The following ENTPD1 variants were observed in gnomAD, a reference collection of about 807,000 sequenced individuals.
ENTPD1 encodes ectonucleoside triphosphate diphosphohydrolase 1.
In ENTPD1, 33 loss-of-function variants were observed where a neutral mutation model predicts 57.0. That is an observed-to-expected ratio of 0.58 (90% CI 0.44 to 0.77). ENTPD1 has a LOEUF of 0.77. Ranked by LOEUF, ENTPD1 falls within the 30% of genes least tolerant of loss-of-function variation. The probability of loss-of-function intolerance (pLI) is 0.00; values close to 1 mark genes in which losing one functional copy is unlikely to be tolerated. For missense variants in ENTPD1, 501 were observed against 603.4 expected (o/e 0.83, Z 1.78); for synonymous variants, 202 against 218.8 (o/e 0.92, Z 0.68).
At chr10:95,755,674 A>C (rs1265559245), upstream of ENTPD1, 1 of 1,536,966 alleles carries the variant, frequency 6.5e-7, no homozygotes, top group Admixed American at 2.0e-5. Context: ...TGCTCTAATG[A>C]GCCTTGAGAA....
chr10:95,738,794 T>A (rs142160575), intron 1 of ENTPD1, among the ~76,000 whole-genome samples: 1 of 152,072 alleles, frequency 6.6e-6, no homozygotes, highest in Non-Finnish European at 1.5e-5. Context: ...ATTAAGCACA[T>A]AGGCACACTC....
chr10:95,818,591 CAG>C (rs1226442474), intron 1 of ENTPD1, among the ~76,000 whole-genome samples: 1 of 152,164 alleles, frequency 6.6e-6, no homozygotes, highest in African/African-American at 2.4e-5. Flanking sequence ...TGACTGGAAT[CAG>C]GGGATGTGGA....
At chr10:95,770,779 T>C (rs935571205) in intron 1 of ENTPD1, among the ~76,000 whole-genome samples, 1 of 152,144 alleles carries the variant, frequency 6.6e-6, no homozygotes, top group Non-Finnish European at 1.5e-5. Flanking sequence ...GAAGATCACA[T>C]TTCAAATGTG....
chr10:95,706,917 T>C (rs893319092), upstream of ENTPD1, among the ~76,000 whole-genome samples: 4 of 152,072 alleles, frequency 2.6e-5, no homozygotes, highest in Admixed American at 6.5e-5. Context: ...CCAACCCCAC[T>C]TGGAGAGATC....
At chr10:95,788,617 A>G (rs978012189) in intron 1 of ENTPD1, among the ~76,000 whole-genome samples, 4 of 139,218 alleles carry the variant, frequency 2.9e-5, no homozygotes, top group Non-Finnish European at 4.4e-5. Context: ...ACTCTGTCCA[A>G]AAAAAAAGAA....
At chr10:95,764,560 A>G (rs2098080538) in intron 1 of ENTPD1, among the ~76,000 whole-genome samples, 1 of 151,958 alleles carries the variant, frequency 6.6e-6, no homozygotes, top group Non-Finnish European at 1.5e-5. Flanking sequence ...TTTATTCCCT[A>G]TCTTTTATTA....
intron 3 of ENTPD1, 69 bp downstream of exon 3, chr10:95,839,877 T>G: frequency 1.3e-6 from 2 of 1,503,926 alleles, no homozygotes; most frequent in African/African-American, 1.4e-5. Context: ...GTATGACCAG[T>G]AGAACACAAG....
At chr10:95,824,661 A>G (rs554470722) in intron 2 of ENTPD1, among the ~76,000 whole-genome samples, 1 of 152,282 alleles carries the variant, frequency 6.6e-6, no homozygotes, top group Non-Finnish European at 1.5e-5. Context: ...ACCTTTTTAC[A>G]TGTTCAGTAT....
At chr10:95,858,765 C>T (rs1442743201) in intron 7 of ENTPD1, among the ~76,000 whole-genome samples, 1 of 152,090 alleles carries the variant, frequency 6.6e-6, no homozygotes, top group Non-Finnish European at 1.5e-5. Context: ...GTATTTATAC[C>T]ATTGCTCATA....
rs776766134 is a variant in ENTPD1, at chr10:95,868,104, C to A, written c.*1721C>A. On this transcript the variant is annotated 3_prime_UTR_variant, in exon 10 of 10. Transcript: ENST00000371205. ...ATTACATTCATCTTCTCATTTAATC[C>A]TCACAACAATCTGAAGAAGGTAGGT... The A allele has an allele frequency of 8.1e-5, 80 of 983,366 alleles. No homozygotes were observed. Among genetic ancestry groups the A allele is most frequent in the Non-Finnish European group, 9.2e-5 (76 of 828,142 alleles). 60.9% of individuals were successfully genotyped at this position (983,366 alleles called of 1,614,324 possible). A position where few individuals can be genotyped will look rare whatever the true frequency, so the allele number is the denominator to read the frequency against.
chr10:95,764,824 G>A (rs1166370211), intron 1 of ENTPD1, among the ~76,000 whole-genome samples: 2 of 146,332 alleles, frequency 1.4e-5, no homozygotes, highest in East Asian at 4.1e-4. Context: ...CTGAGTTCAA[G>A]CAGTTCTCCT....
intron 1 of ENTPD1, chr10:95,756,681 G>A (rs1022256749): frequency 1.2e-5 from 2 of 170,400 alleles, no homozygotes; most frequent in African/African-American, 4.8e-5. Context: ...CGAATTTCTT[G>A]CATGCTTTCC....
chr10:95,825,653 C>T (rs2098372451), intron 2 of ENTPD1, among the ~76,000 whole-genome samples: 1 of 152,214 alleles, frequency 6.6e-6, no homozygotes, highest in African/African-American at 2.4e-5. Context: ...TCTCGGCTCA[C>T]TGAAAGCTCC....
At chr10:95,792,742 C>T (rs1239424412) in intron 1 of ENTPD1, among the ~76,000 whole-genome samples, 1 of 152,146 alleles carries the variant, frequency 6.6e-6, no homozygotes, top group African/African-American at 2.4e-5. Context: ...GGGCCTAGTG[C>T]AGGGGTTTAG....
chr10:95,723,214 G>A (rs558360250), intron 1 of ENTPD1, among the ~76,000 whole-genome samples: 1 of 152,254 alleles, frequency 6.6e-6, no homozygotes, highest in South Asian at 2.1e-4. Flanking sequence ...ATTTACCCTG[G>A]CTTTTAAAGG....
Position 95,809,857 on chromosome 10 carries a change from A to T in ENTPD1, c.17-13380A>T, listed in dbSNP as rs181810194. 5.7e-5 allele frequency among the ~76,000 whole-genome samples: 8 copies of T among 139,756 alleles called. No homozygotes were observed. The East Asian group carries it at 1.7e-3, about 30-fold the overall frequency. The allele number at this position is 139,756 out of a possible 152,430, so 91.7% of individuals were successfully genotyped here. A position where few individuals can be genotyped will look rare whatever the true frequency, so the allele number is the denominator to read the frequency against. On this transcript the variant is annotated intron_variant, in intron 1 of 9. Coordinates refer to ENST00000371205, the MANE Select transcript of ENTPD1 (RefSeq NM_001776.6). ...CAGCGGCCGGGCTGAGATGCTCCTCACTTCCCAGATGGGGCAGTGGCCAGG... is the reference window on the plus strand; with the variant it reads ...CAGCGGCCGGGCTGAGATGCTCCTCTCTTCCCAGATGGGGCAGTGGCCAGG...
intron 1 of ENTPD1, among the ~76,000 whole-genome samples, chr10:95,808,720 C>CTTT (rs60603484): frequency 1.3e-4 from 19 of 143,872 alleles, no homozygotes; most frequent in East Asian, 2.0e-4. Flanking sequence ...ATTTTAGTTG[C>CTTT]TTTTTTTTTT....
upstream of ENTPD1, chr10:95,755,504 G>A (rs150196635): frequency 1.7e-6 from 1 of 598,936 alleles, no homozygotes; most frequent in East Asian, 2.8e-5. Context: ...AGACTTCAAA[G>A]GTAGGAAGTC....
At chr10:95,740,315 G>A (rs187183996) in intron 1 of ENTPD1, among the ~76,000 whole-genome samples, 276 of 152,238 alleles carry the variant, frequency 1.8e-3, no homozygotes, top group Non-Finnish European at 2.7e-3. Flanking sequence ...TTTAGAGATG[G>A]GGTTTTACCA....
Sources: gnomAD v4.1 joint callset for allele counts (sites outside exome capture counted in the v4.1 genomes callset) on GRCh38, gnomAD v4.1.1 for gene constraint, MANE v1.5 for transcripts, NCBI Gene and HGNC (gene_info 2026-07-23, HGNC 2026-07-21) for gene names.